Variants in CCDC88C observed in about 807,000 individuals in gnomAD.
CCDC88C encodes the protein coiled-coil and HOOK domain protein 88C, also known as protein Daple.
Under a neutral mutation model 198.8 loss-of-function variants are expected in CCDC88C, and 131 were observed. The observed-to-expected ratio is 0.66, with a 90% CI of 0.57 to 0.76. The LOEUF is 0.76. Among genes scored for constraint, CCDC88C ranks in the 30% least tolerant of loss-of-function variants. The pLI, the probability that CCDC88C is intolerant of heterozygous loss-of-function variation, is 0.00. For missense variants in CCDC88C, 2,553 were observed against 2,631.6 expected, an observed-to-expected ratio of 0.97 and a Z score of 0.65; for synonymous variants, 1,166 against 1,114.7, an observed-to-expected ratio of 1.05 and a Z score of -0.92.
chr14:91,289,063 C>T (rs562518256), intron 25 of CCDC88C, 42 bp downstream of exon 25: 8 of 1,539,740 alleles, frequency 5.2e-6, no homozygotes, highest in Admixed American at 1.8e-5. Context: ...CTTCAGGACA[C>T]CCCCTTCCTC....
chr14:91,289,608 A>C (rs141827520), intron 24 of CCDC88C, among the ~76,000 whole-genome samples: 45 of 152,332 alleles, frequency 3.0e-4, no homozygotes, highest in African/African-American at 1.0e-3. Flanking sequence ...CCCAGGATGA[A>C]GGAAGTGATG....
Position 91,272,644 on chromosome 14 carries a change from T to C in CCDC88C, c.6068A>G (p.Tyr2023Cys). ...AGACAGTCACACACAGCCGTACTCATACCACACGGTCTGCGGATCCCCGCC... is the reference window on the plus strand; with the variant it reads ...AGACAGTCACACACAGCCGTACTCACACCACACGGTCTGCGGATCCCCGCC... ...EPGGDPQTVW[Y>C]EYGCV Residue 2023 changes from tyrosine (Y) to cysteine (C), a missense_variant, in exon 30 of 30, where the codon TAT becomes TGT. Around this residue, in one of 2 missense-constraint regions of CCDC88C, gnomAD observed 1,293 missense variants for 1,219.6 expected, o/e 1.06. Transcript: ENST00000389857. 9 of 1,611,014 alleles carry C rather than the reference T, an allele frequency of 5.6e-6. No homozygotes were observed. Among genetic ancestry groups the C allele is most frequent in the Non-Finnish European group, 7.6e-6 (9 of 1,179,832 alleles).
intron 10 of CCDC88C, among the ~76,000 whole-genome samples, chr14:91,333,048 C>G (rs1359811909): frequency 6.6e-6 from 1 of 152,208 alleles, no homozygotes; most frequent in Non-Finnish European, 1.5e-5. Context: ...CAACCATATT[C>G]CTCCAGCTTG....
rs779438194 is a variant in CCDC88C at position 91,416,783 on chromosome 14, A to T, written c.116T>A (p.Met39Lys). 2 of 1,613,566 alleles carry T rather than the reference A, an allele frequency of 1.2e-6. No homozygotes were observed. The highest frequency in any genetic ancestry group is 1.7e-6 in the Non-Finnish European group (2 of 1,179,810). ...CAAAAAGATGCCGTCCACTAAATCC[A>T]TGTACATAGTCAGGTTGTCCTGGCT... ...SGSQDNLTMY[M>K]DLVDGIFLNQ... Residue 39 changes from methionine to lysine, a missense_variant, in exon 2 of 30, where the codon ATG becomes AAG. Met to Lys is a moderately conservative substitution (Grantham distance 95, BLOSUM62 -1). Transcript: ENST00000389857.
At chr14:91,312,553 T>A (rs190411501) in intron 15 of CCDC88C, among the ~76,000 whole-genome samples, 3 of 152,216 alleles carry the variant, frequency 2.0e-5, no homozygotes, top group African/African-American at 7.2e-5. Flanking sequence ...GGTGTGGTAG[T>A]GTGCATCTGT....
intron 13 of CCDC88C, among the ~76,000 whole-genome samples, chr14:91,317,803 G>A (rs1429180401): frequency 6.6e-6 from 1 of 152,228 alleles, no homozygotes; most frequent in Admixed American, 6.5e-5. Flanking sequence ...GGGAGGAAGT[G>A]GGTAGGGCCT....
chr14:91,405,311 A>G (rs777830893), intron 3 of CCDC88C, among the ~76,000 whole-genome samples: 3 of 152,144 alleles, frequency 2.0e-5, no homozygotes, highest in Non-Finnish European at 2.9e-5. Context: ...CAAAACCCAG[A>G]GCCAGAATGC....
chr14:91,297,728 CACTGAGCCTCCAGGGAG>C (rs1891074897), intron 21 of CCDC88C, among the ~76,000 whole-genome samples: 1 of 152,140 alleles, frequency 6.6e-6, no homozygotes, highest in Non-Finnish European at 1.5e-5. Context: ...GATGCCACTA[CACTGAGCCTCCAGGGAG>C]ACTGAGCAGG....
chr14:91,339,035 T>C lies in CCDC88C; in HGVS notation c.809+243A>G, dbSNP rs1893184896. 1 of 598,244 alleles carries C rather than the reference T, an allele frequency of 1.7e-6. No individual in the cohort carries two copies. The highest frequency in any genetic ancestry group is 3.0e-6 in the Non-Finnish European group (1 of 328,668). The allele number at this position is 598,244 out of a possible 1,614,324, so 37.1% of individuals were successfully genotyped here. On this transcript the variant is annotated intron_variant, in intron 8 of 29. Transcript: ENST00000389857. The surrounding 1 kb of genome is among the most constrained non-coding windows in gnomAD (Gnocchi z 5.8). ...CTGGAGGCTGCTTCTGTGGACAACT[T>C]GCACCGTCTGGACGGGAGGAAACCC... is the stretch of plus-strand genomic sequence containing the variant.
chr14:91,401,296 T>TATATTATATATTATATAATATATAC (rs1886180099), intron 3 of CCDC88C, among the ~76,000 whole-genome samples: 1 of 112,928 alleles, frequency 8.9e-6, no homozygotes, highest in South Asian at 2.5e-4. Context: ...ATACATTATA[T>TATATTATATATTATATAATATATAC]ATTATAATGT....
chr14:91,412,400 T>C (rs184571395), intron 2 of CCDC88C, among the ~76,000 whole-genome samples: 519 of 152,086 alleles, frequency 3.4e-3, no homozygotes, highest in Non-Finnish European at 5.9e-3. Context: ...CTGTATATAT[T>C]CCTATTCTCC....
Position 91,313,876 on chromosome 14 carries a change from A to G in CCDC88C, c.1940T>C (p.Leu647Pro). 1 of 1,606,738 alleles carries G rather than the reference A, an allele frequency of 6.2e-7. No individual in the cohort carries two copies. Among genetic ancestry groups the G allele is most frequent in the Non-Finnish European group, 8.5e-7 (1 of 1,177,612 alleles). Residue 647 changes from leucine (L) to proline (P), a missense_variant, in exon 15 of 30, where the codon CTG becomes CCG. Physicochemically the swap from Leu to Pro is moderately conservative, Grantham distance 98 (BLOSUM62 -3). This residue lies in a region of CCDC88C where 1,260 missense variants were observed against 1,412.0 expected (regional missense o/e 0.89). Coordinates refer to ENST00000389857, the MANE Select transcript of CCDC88C (RefSeq NM_001080414.4). The surrounding 1 kb of genome is among the most constrained non-coding windows in gnomAD (Gnocchi z 5.2). ...LQRLQEENGR[L>P]ARKVTSLETA... ...CTCCAGGGAGGTCACCTTCCTGGCC[A>G]GCCTCCCGTTCTCCTCCTGGAGTCG...
At chr14:91,293,670 A>G (rs973049263) in intron 23 of CCDC88C, among the ~76,000 whole-genome samples, 8 of 148,552 alleles carry the variant, frequency 5.4e-5, no homozygotes, top group Non-Finnish European at 1.0e-4. Flanking sequence ...TTTTTTTTCC[A>G]TGCTTCATGT....
intron 3 of CCDC88C, 105 bp downstream of exon 3, chr14:91,408,554 C>T: frequency 1.4e-6 from 1 of 737,942 alleles, no homozygotes. Context: ...CAAGTAGAGG[C>T]CTAAACATAA....
chr14:91,377,147 C>T (rs979100922), intron 3 of CCDC88C, among the ~76,000 whole-genome samples: 1 of 152,246 alleles, frequency 6.6e-6, no homozygotes, highest in Non-Finnish European at 1.5e-5. Context: ...AGACTGCCTG[C>T]CCTGAGCTTT....
At chr14:91,287,947 G>A (rs1890485888) in intron 25 of CCDC88C, among the ~76,000 whole-genome samples, 1 of 152,104 alleles carries the variant, frequency 6.6e-6, no homozygotes, top group African/African-American at 2.4e-5. Flanking sequence ...GTGTCTAATC[G>A]ATTCTAAGAC....
At position 91,339,362 on chromosome 14, in the gene CCDC88C, C is replaced by T; in HGVS notation, c.725G>A (p.Ser242Asn). 1 of 1,613,792 alleles carries T rather than the reference C, an allele frequency of 6.2e-7. No homozygotes were observed. Among genetic ancestry groups the T allele is most frequent in the African/African-American group, 1.3e-5 (1 of 75,050 alleles). The change falls in exon 8 of 30, where the codon AGC becomes AAC. Residue 242 changes from serine (S) to asparagine (N), a missense_variant. Around this residue, in one of 2 missense-constraint regions of CCDC88C, gnomAD observed 1,260 missense variants for 1,412.0 expected, o/e 0.89. Coordinates refer to ENST00000389857, the MANE Select transcript of CCDC88C (RefSeq NM_001080414.4). This position sits in a 1 kb window ranked among gnomAD's most constrained non-coding sequence, Gnocchi z 5.8. ...SSADSTPSPTSSLSSEDKQHL... is the reference protein window; with the variant it reads ...SSADSTPSPTNSLSSEDKQHL... ...CTGCTTGTCTTCGCTAGAGAGGCTG[C>T]TGGTGGGGCTGGGAGTGGAGTCGGC...
At chr14:91,345,280 T>A (rs1893498906) in intron 4 of CCDC88C, among the ~76,000 whole-genome samples, 2 of 138,454 alleles carry the variant, frequency 1.4e-5, no homozygotes, top group South Asian at 4.8e-4. Context: ...TCCACCTCTG[T>A]CTCCTGGGTT....
Position 91,339,024 on chromosome 14 carries a change from T to A in CCDC88C, c.809+254A>T. 1 of 583,720 alleles carries A rather than the reference T, an allele frequency of 1.7e-6. No individual in the cohort carries two copies. Among genetic ancestry groups the A allele is most frequent in the East Asian group, 3.0e-5 (1 of 33,540 alleles). 36.2% of individuals were successfully genotyped at this position (583,720 alleles called of 1,614,324 possible). On this transcript the variant is annotated intron_variant, in intron 8 of 29. Transcript: ENST00000389857. This position sits in a 1 kb window ranked among gnomAD's most constrained non-coding sequence, Gnocchi z 5.8. The stretch of plus-strand genomic sequence containing the variant: ...CTGAGCGTGGACTGGAGGCTGCTTC[T>A]GTGGACAACTTGCACCGTCTGGACG...
Sources: allele counts gnomAD v4.1 joint callset (sites outside exome capture counted in the v4.1 genomes callset), GRCh38; gene constraint gnomAD v4.1.1; regional missense constraint gnomAD v4.1.1; non-coding constraint Gnocchi (gnomAD v3.1); transcripts MANE v1.5; gene names NCBI Gene and HGNC (gene_info 2026-07-23, HGNC 2026-07-21).